The following DCAF6 variants were observed in gnomAD, a reference collection of about 807,000 sequenced individuals.
DCAF6 encodes DDB1 and CUL4 associated factor 6.
DCAF6 carries 54 observed loss-of-function variants against 125.1 expected under a neutral mutation model. That is an observed-to-expected ratio of 0.43 (90% CI 0.35 to 0.54). The LOEUF (loss-of-function observed/expected upper bound fraction) is 0.54. DCAF6 is among the 20% of genes least tolerant of loss of function. The pLI is 0.01. For missense variants in DCAF6, 934 were observed against 1,161.7 expected (o/e 0.80, Z 2.85); for synonymous variants, 371 against 390.4 (o/e 0.95, Z 0.58).
At chr1:167,887,552 G>A in the DCAF6 span, among the ~76,000 whole-genome samples, 1 of 152,048 alleles carries the variant, frequency 6.6e-6, no homozygotes. Context: ...TCGTGGGCTG[G>A]GGGGAAGGGG....
At chr1:168,032,319 C>G (rs1252783273) in intron 12 of DCAF6, among the ~76,000 whole-genome samples, 2 of 152,220 alleles carry the variant, frequency 1.3e-5, no homozygotes, top group Non-Finnish European at 2.9e-5. Context: ...TAGATCTTCT[C>G]TGTTAGCAGT....
chr1:167,935,828 C>T (rs1483023165), upstream of DCAF6: 8 of 1,552,004 alleles, frequency 5.2e-6, no homozygotes, highest in South Asian at 9.5e-5. Flanking sequence ...GCCTCGGGCA[C>T]CGGCGGCCGA....
At chr1:168,070,098 C>A (rs1399628407) in intron 21 of DCAF6, among the ~76,000 whole-genome samples, 1 of 152,004 alleles carries the variant, frequency 6.6e-6, no homozygotes, top group African/African-American at 2.4e-5. Context: ...TAGTTAATAG[C>A]CACTACCATC....
the DCAF6 span, chr1:167,880,547 A>T: frequency 6.2e-7 from 1 of 1,614,214 alleles, no homozygotes; most frequent in African/African-American, 1.3e-5. Flanking sequence ...ATTCCAGAGC[A>T]TGAGTGAGCT....
At chr1:167,885,566 T>A in the DCAF6 span, among the ~76,000 whole-genome samples, 17 of 152,360 alleles carry the variant, frequency 1.1e-4, no homozygotes, top group East Asian at 3.3e-3. Context: ...TTTTCACATA[T>A]TTTTCACATA....
At chr1:168,042,771 CTAGA>C in intron 13 of DCAF6, 1 of 307,932 alleles carries the variant, frequency 3.2e-6, no homozygotes, top group East Asian at 5.3e-5. Flanking sequence ...GAAATACATA[CTAGA>C]TAATGAAAGG....
At chr1:167,986,654 A>G (rs1467561724) in intron 4 of DCAF6, among the ~76,000 whole-genome samples, 4 of 152,140 alleles carry the variant, frequency 2.6e-5, no homozygotes, top group Non-Finnish European at 5.9e-5. Flanking sequence ...AGTTCACCAT[A>G]GTGTCTATGC....
At chr1:167,924,141 T>A in the DCAF6 span, among the ~76,000 whole-genome samples, 2 of 152,158 alleles carry the variant, frequency 1.3e-5, no homozygotes, top group Non-Finnish European at 2.9e-5. Flanking sequence ...TGATAGTACC[T>A]TCAGTTCTCA....
intron 8 of DCAF6, 143 bp from the exon 9 acceptor site, chr1:168,003,727 T>G: frequency 1.5e-6 from 1 of 664,644 alleles, no homozygotes; most frequent in Non-Finnish European, 2.4e-6. Flanking sequence ...CTAATAGATT[T>G]ATATACATTC....
the DCAF6 span, among the ~76,000 whole-genome samples, chr1:167,912,513 A>C: frequency 1.3e-5 from 2 of 152,234 alleles, no homozygotes; most frequent in African/African-American, 2.4e-5. Flanking sequence ...TGTGAATGAC[A>C]TGCCTGGTCA....
chr1:168,009,316 TCTC>T (rs997976142), intron 10 of DCAF6, among the ~76,000 whole-genome samples: 4 of 151,336 alleles, frequency 2.6e-5, no homozygotes, highest in Non-Finnish European at 4.4e-5. Context: ...TTCTTTCTCT[TCTC>T]TTCTCTTCTT....
the DCAF6 span, chr1:167,896,547 A>G: frequency 1.4e-6 from 2 of 1,436,082 alleles, no homozygotes; most frequent in Non-Finnish European, 9.8e-7. Flanking sequence ...ATAAGACCCT[A>G]CTGACCACTG....
chr1:167,952,768 G>GT (rs1674169086), intron 2 of DCAF6, among the ~76,000 whole-genome samples: 1 of 152,106 alleles, frequency 6.6e-6, no homozygotes, highest in Non-Finnish European at 1.5e-5. Context: ...TCTTCCCAGA[G>GT]TTTTTATATC....
intron 4 of DCAF6, among the ~76,000 whole-genome samples, chr1:167,979,604 A>G (rs1280316697): frequency 6.6e-6 from 1 of 152,140 alleles, no homozygotes; most frequent in Non-Finnish European, 1.5e-5. Flanking sequence ...TCATTTATCT[A>G]GGCTGTGTGC....
chr1:168,060,701 G>T (rs1476100023), intron 17 of DCAF6, among the ~76,000 whole-genome samples: 1 of 152,080 alleles, frequency 6.6e-6, no homozygotes, highest in African/African-American at 2.4e-5. Context: ...AGACCAGCCT[G>T]GTCAATATGG....
At chr1:168,013,971 C>CA (rs1684632294) in intron 10 of DCAF6, among the ~76,000 whole-genome samples, 1 of 152,084 alleles carries the variant, frequency 6.6e-6, no homozygotes, top group African/African-American at 2.4e-5. Context: ...CTCCTGAGCT[C>CA]AAAGTGATAC....
chr1:168,025,186 T>C (rs186439061), intron 12 of DCAF6, among the ~76,000 whole-genome samples: 64 of 152,302 alleles, frequency 4.2e-4, no homozygotes. Flanking sequence ...ACAATAATTT[T>C]CATAGCATTA....
the DCAF6 span, chr1:167,918,449 T>C: frequency 1.2e-5 from 10 of 817,928 alleles, no homozygotes; most frequent in Non-Finnish European, 1.7e-5. Flanking sequence ...CCATTTCTTC[T>C]TTCTTGGTGG....
chr1:168,050,756 C>T (rs767757087), intron 16 of DCAF6, 136 bp from the exon 17 acceptor site: 17 of 428,804 alleles, frequency 4.0e-5, no homozygotes, highest in Non-Finnish European at 6.6e-5. Context: ...GCTTAATGCC[C>T]GAAGTCACAA....
Sources: gnomAD v4.1 joint callset for allele counts (sites outside exome capture counted in the v4.1 genomes callset) on GRCh38, gnomAD v4.1.1 for gene constraint, MANE v1.5 for transcripts, NCBI Gene and HGNC (gene_info 2026-07-23, HGNC 2026-07-21) for gene names.